UEVLD: variants seen among roughly 807,000 people sequenced by gnomAD.
The protein encoded by UEVLD is ubiquitin-conjugating enzyme E2 variant 3.
UEVLD carries 47 observed loss-of-function variants against 58.6 expected under a neutral mutation model. The ratio of observed to expected loss-of-function variants is 0.80; its 90% CI spans 0.63 to 1.02. The LOEUF (loss-of-function observed/expected upper bound fraction) is 1.02. Ranked by LOEUF, UEVLD falls within the 50% of genes least tolerant of loss-of-function variation. UEVLD has a pLI of 0.00. For synonymous variants in UEVLD, 197 were observed against 195.3 expected, an observed-to-expected ratio of 1.01 and a Z score of -0.07; for missense variants, 510 against 550.6, an observed-to-expected ratio of 0.93 and a Z score of 0.74.
intron 1 of UEVLD, among the ~76,000 whole-genome samples, chr11:18,585,814 T>C (rs1270176394): frequency 6.6e-6 from 1 of 152,106 alleles, no homozygotes; most frequent in Non-Finnish European, 1.5e-5. Flanking sequence ...TTACATTTTT[T>C]AGGAGAGACG....
intron 3 of UEVLD, among the ~76,000 whole-genome samples, chr11:18,571,074 C>T (rs185303818): frequency 1.3e-5 from 2 of 152,052 alleles, no homozygotes; most frequent in African/African-American, 2.4e-5. Flanking sequence ...TATTGAAGGC[C>T]GGGCGTGGTG....
intron 1 of UEVLD, among the ~76,000 whole-genome samples, chr11:18,580,151 A>G (rs752803704): frequency 6.7e-6 from 1 of 148,976 alleles, no homozygotes. Context: ...CAGCTGGTGG[A>G]TTCATACTAT....
rs200821433 is a variant in UEVLD at position 18,570,233 on chromosome 11, T to C, written c.338A>G (p.Tyr113Cys). The C allele has an allele frequency of 4.8e-5, 77 of 1,602,230 alleles. No individual in the cohort carries two copies. Among genetic ancestry groups the C allele is most frequent in the Middle Eastern group, 1.7e-4 (1 of 6,006 alleles). Residue 113 changes from tyrosine to cysteine, a missense_variant, in exon 4 of 12, where the codon TAT becomes TGT. Tyr to Cys is a radical substitution (Grantham distance 194). Coordinates refer to ENST00000396197, the MANE Select transcript of UEVLD (RefSeq NM_001040697.4). Reference protein sequence around the residue: ...VDAQGRIYLPYLQNWSHPKSV... With the variant: ...VDAQGRIYLPCLQNWSHPKSV... The stretch of plus-strand genomic sequence containing the variant: ...TCTTACATGGCTCCAGTTTTGGAGA[T>C]AGGGCAAATATATTCTGCCTTGAGC...
chr11:18,534,578 G>A, intron 10 of UEVLD, 125 bp from the exon 11 acceptor site: 1 of 988,818 alleles, frequency 1.0e-6, no homozygotes, highest in Non-Finnish European at 1.4e-6. Flanking sequence ...CAATTGTTAG[G>A]GAAGCCTATA....
chr11:18,561,571 G>T (rs542553163), intron 6 of UEVLD, among the ~76,000 whole-genome samples: 12 of 152,294 alleles, frequency 7.9e-5, no homozygotes, highest in African/African-American at 2.9e-4. Flanking sequence ...GCCAGGCACG[G>T]TGGCTCACGC....
chr11:18,586,035 T>C (rs1365164601), intron 1 of UEVLD, among the ~76,000 whole-genome samples: 3 of 152,330 alleles, frequency 2.0e-5, no homozygotes, highest in African/African-American at 4.8e-5. Context: ...AAGAAATGCA[T>C]TGACCCTATA....
At chr11:18,583,016 G>A (rs1318155226) in intron 1 of UEVLD, among the ~76,000 whole-genome samples, 2 of 152,094 alleles carry the variant, frequency 1.3e-5, no homozygotes, top group African/African-American at 4.8e-5. Context: ...TCCATTTCCC[G>A]GGTTCAAGCA....
In UEVLD at chr11:18,578,826, A is replaced by G. The variant is rs762979782; in HGVS notation, c.43-18T>C. ...AACTTGTACTGAAAAGAGAAAAATAAGCATGGAGTAAGAATAAAGCTGTAA... is the reference window on the plus strand; with the variant it reads ...AACTTGTACTGAAAAGAGAAAAATAGGCATGGAGTAAGAATAAAGCTGTAA... On this transcript the variant is annotated intron_variant, in intron 1 of 11. Transcript: ENST00000396197. 11 of 1,529,874 alleles carry G rather than the reference A, an allele frequency of 7.2e-6. No individual in the cohort carries two copies. In the South Asian group the frequency reaches 1.1e-4, roughly 15 times the overall value. The allele number at this position is 1,529,874 out of a possible 1,614,324, so 94.8% of individuals were successfully genotyped here. A position where few individuals can be genotyped will look rare whatever the true frequency, so the allele number is the denominator to read the frequency against.
At chr11:18,581,348 G>A (rs925136698) in intron 1 of UEVLD, among the ~76,000 whole-genome samples, 5 of 152,000 alleles carry the variant, frequency 3.3e-5, no homozygotes, top group African/African-American at 1.2e-4. Flanking sequence ...CTCTGGAGAA[G>A]CTGAATCTAC....
chr11:18,552,788 G>A (rs1851585087), intron 7 of UEVLD, among the ~76,000 whole-genome samples: 2 of 151,880 alleles, frequency 1.3e-5, no homozygotes, highest in Non-Finnish European at 2.9e-5. Context: ...TTGAACCCAG[G>A]AGGTGAAGTT....
chr11:18,546,959 A>G lies in UEVLD; in HGVS notation c.807T>C (p.Asn269=), dbSNP rs763284892. Residue 269 remains asparagine (N), a synonymous_variant, in exon 8 of 12, where the codon AAT becomes AAC. Coordinates refer to ENST00000396197, the MANE Select transcript of UEVLD (RefSeq NM_001040697.4). ...GGACAAGGGCTCTGAACATATCCAC[A>G]TTGCTCTGTACCACATCAAGGTACG... ...SQSYLDVVQS[N]VDMFRALVPA... is the part of the protein sequence containing the mutation. The G allele has an allele frequency of 1.2e-5, 19 of 1,614,072 alleles. No individual in the cohort carries two copies. Among genetic ancestry groups the G allele is most frequent in the Non-Finnish European group, 6.8e-6 (8 of 1,180,040 alleles).
rs374651134 is a variant in UEVLD, at chr11:18,544,402, G to A, written c.1060+221C>T. Among the ~76,000 whole-genome samples the A allele has an allele frequency of 1.6e-4, 24 of 152,152 alleles. No homozygotes were observed. In the South Asian group the frequency reaches 3.7e-3, roughly 24 times the overall value. ...TGGCTCACTGCAGCCTTGACCTCCC[G>A]GGCTCAAGTGATCCTCCCACTCAGT... On this transcript the variant is annotated intron_variant, in intron 9 of 11. Coordinates refer to ENST00000396197, the MANE Select transcript of UEVLD (RefSeq NM_001040697.4).
chr11:18,555,097 C>T (rs1851703038), intron 7 of UEVLD, among the ~76,000 whole-genome samples: 1 of 151,874 alleles, frequency 6.6e-6, no homozygotes, highest in African/African-American at 2.4e-5. Context: ...CAAGACCAAC[C>T]TTGGCAACAT....
chr11:18,549,895 C>T (rs1431647024), intron 7 of UEVLD, among the ~76,000 whole-genome samples: 1 of 151,850 alleles, frequency 6.6e-6, no homozygotes. Flanking sequence ...CATCTTGGCT[C>T]ACTGCAACCT....
At position 18,583,549 on chromosome 11, in the gene UEVLD, C is replaced by T. The variant is rs151073580; in HGVS notation, c.43-4741G>A. Among the ~76,000 whole-genome samples, 41 of 151,878 alleles carry T rather than the reference C, an allele frequency of 2.7e-4. 1 individual carries two copies. Among genetic ancestry groups the T allele is most frequent in the African/African-American group, 9.2e-4 (38 of 41,410 alleles). ...GACTGATATTTCAAGAGTATTCTTA[C>T]ATGACTTTGCTCAAATGTAGGACAC... On this transcript the variant is annotated intron_variant, in intron 1 of 11. Coordinates refer to ENST00000396197, the MANE Select transcript of UEVLD (RefSeq NM_001040697.4).
chr11:18,535,040 T>A (rs1419195295), intron 10 of UEVLD, among the ~76,000 whole-genome samples: 2 of 152,234 alleles, frequency 1.3e-5, no homozygotes, highest in Non-Finnish European at 2.9e-5. Flanking sequence ...TAGATTTACA[T>A]GTACAATGTG....
At chr11:18,568,455 G>A (rs1017051046) in intron 4 of UEVLD, among the ~76,000 whole-genome samples, 1 of 152,134 alleles carries the variant, frequency 6.6e-6, no homozygotes, top group South Asian at 2.1e-4. Flanking sequence ...AGGAAGAAAC[G>A]TACGATTGAT....
intron 6 of UEVLD, among the ~76,000 whole-genome samples, chr11:18,562,790 G>A (rs1852106127): frequency 6.6e-6 from 1 of 151,158 alleles, no homozygotes; most frequent in African/African-American, 2.4e-5. Context: ...ACTCATGCCT[G>A]TAATCCCAGC....
Position 18,580,450 on chromosome 11 carries a change from G to A in UEVLD, c.43-1642C>T, listed in dbSNP as rs148385547. ...GCATTATTCATAATAGCCAAAAAGT[G>A]AAAACAATTCAAATGTCCATTAACT... On this transcript the variant is annotated intron_variant, in intron 1 of 11. Coordinates refer to ENST00000396197, the MANE Select transcript of UEVLD (RefSeq NM_001040697.4). 7.2e-5 allele frequency among the ~76,000 whole-genome samples: 11 copies of A among 152,068 alleles called. No individual in the cohort carries two copies. In the East Asian group the frequency reaches 2.1e-3, roughly 29 times the overall value.
Sources: gnomAD v4.1 joint callset for allele counts (sites outside exome capture counted in the v4.1 genomes callset) on GRCh38, gnomAD v4.1.1 for gene constraint, MANE v1.5 for transcripts, NCBI Gene and HGNC (gene_info 2026-07-23, HGNC 2026-07-21) for gene names.